The following PDE11A variants were observed in gnomAD, a reference collection of about 807,000 sequenced individuals.
PDE11A encodes the protein phosphodiesterase 11A, also known as dual 3',5'-cyclic-AMP and -GMP phosphodiesterase 11A.
A neutral mutation model predicts 100.5 loss-of-function variants in PDE11A; 100 were observed. That is an observed-to-expected ratio of 1.00 (90% CI 0.85 to 1.18). The LOEUF is 1.18. PDE11A is among the 50% of genes most tolerant of loss of function. PDE11A has a pLI of 0.00. For missense variants in PDE11A, 1,141 were observed against 1,152.6 expected (o/e 0.99, Z 0.15); for synonymous variants, 381 against 420.8 (o/e 0.91, Z 1.16).
intron 2 of PDE11A, among the ~76,000 whole-genome samples, chr2:177,963,214 TCAGA>T (rs1300150826): frequency 6.6e-6 from 1 of 152,182 alleles, no homozygotes; most frequent in Non-Finnish European, 1.5e-5. Context: ...AGGTTCCTAC[TCAGA>T]CAATTTTTTC....
chr2:177,882,726 C>T (rs1227077881), intron 4 of PDE11A, among the ~76,000 whole-genome samples: 1 of 152,158 alleles, frequency 6.6e-6, no homozygotes, highest in Non-Finnish European at 1.5e-5. Context: ...AACAAAACAT[C>T]TCCCTGCTTG....
intron 14 of PDE11A, 146 bp downstream of exon 14, chr2:177,700,975 A>G (rs1372608818): frequency 2.8e-6 from 2 of 705,880 alleles, no homozygotes; most frequent in African/African-American, 3.5e-5. Flanking sequence ...AGGAACAGAA[A>G]AAGCTACTAA....
intron 18 of PDE11A, among the ~76,000 whole-genome samples, chr2:177,667,761 C>A (rs1423612195): frequency 2.0e-5 from 3 of 152,112 alleles, no homozygotes; most frequent in East Asian, 1.9e-4. Flanking sequence ...AAACAAGGTG[C>A]CTTGCTTCAT....
intron 4 of PDE11A, among the ~76,000 whole-genome samples, chr2:177,890,028 G>T (rs2084505397): frequency 6.6e-6 from 1 of 152,116 alleles, no homozygotes; most frequent in African/African-American, 2.4e-5. Flanking sequence ...ATGATTTAGG[G>T]TGGCTGCATT....
chr2:177,758,276 G>T (rs1313651363), intron 10 of PDE11A, among the ~76,000 whole-genome samples: 1 of 135,698 alleles, frequency 7.4e-6, no homozygotes, highest in Non-Finnish European at 1.5e-5. Context: ...CAGCCTGGGT[G>T]AGAGTGCAAG....
At chr2:178,042,599 T>C (rs1045771525) in intron 1 of PDE11A, among the ~76,000 whole-genome samples, 2 of 152,154 alleles carry the variant, frequency 1.3e-5, no homozygotes, top group African/African-American at 4.8e-5. Context: ...TAAATGGCTA[T>C]TCCAAGTCAA....
chr2:177,736,547 G>T (rs1432830044), intron 10 of PDE11A, among the ~76,000 whole-genome samples: 1 of 151,744 alleles, frequency 6.6e-6, no homozygotes, highest in Non-Finnish European at 1.5e-5. Context: ...AAAGGGAGGA[G>T]GAAGAAGAAT....
chr2:177,834,114 C>T (rs1243960153), intron 6 of PDE11A, among the ~76,000 whole-genome samples: 1 of 152,200 alleles, frequency 6.6e-6, no homozygotes, highest in African/African-American at 2.4e-5. Flanking sequence ...TCACTTAATA[C>T]ATTCCACCCT....
At chr2:177,706,458 A>C (rs1018102740) in intron 13 of PDE11A, among the ~76,000 whole-genome samples, 1 of 152,230 alleles carries the variant, frequency 6.6e-6, no homozygotes, top group African/African-American at 2.4e-5. Flanking sequence ...CTGGGAAATA[A>C]AAAACAAGAA....
intron 9 of PDE11A, among the ~76,000 whole-genome samples, chr2:177,780,069 T>C (rs2105516156): frequency 6.6e-6 from 1 of 152,246 alleles, no homozygotes; most frequent in East Asian, 1.9e-4. Flanking sequence ...ACCGGAGTGT[T>C]TGGGTGACTA....
intron 1 of PDE11A, among the ~76,000 whole-genome samples, chr2:178,067,017 TC>T (rs1475622584): frequency 9.8e-5 from 15 of 152,298 alleles, no homozygotes; most frequent in Admixed American, 9.8e-4. Flanking sequence ...CTCTCCCTGT[TC>T]TGGATAAAGG....
At chr2:177,984,097 C>T (rs10186953) in intron 2 of PDE11A, among the ~76,000 whole-genome samples, 9,551 of 152,162 alleles carry the variant, frequency 0.063, 313 homozygotes, top group South Asian at 0.094. Context: ...TCTTGCTGTG[C>T]AATTGTTGGA....
intron 19 of PDE11A, among the ~76,000 whole-genome samples, chr2:177,653,008 G>T (rs2105462967): frequency 6.6e-6 from 1 of 152,338 alleles, no homozygotes; most frequent in African/African-American, 2.4e-5. Context: ...AGAGTACAAA[G>T]TGGACCAGGG....
intron 9 of PDE11A, among the ~76,000 whole-genome samples, chr2:177,775,158 G>T (rs993588724): frequency 9.9e-5 from 15 of 152,174 alleles, no homozygotes; most frequent in Admixed American, 6.5e-4. Context: ...CATACATCTT[G>T]AATTTTGCCC....
chr2:177,701,234 T>G, intron 13 of PDE11A, 23 bp from the exon 14 acceptor site: 1 of 1,169,074 alleles, frequency 8.6e-7, no homozygotes, highest in Non-Finnish European at 1.3e-6. Flanking sequence ...AGAGGGTGAG[T>G]GAGCAGGGCC....
At chr2:177,765,494 C>T (rs2082226346) in intron 10 of PDE11A, among the ~76,000 whole-genome samples, 1 of 152,166 alleles carries the variant, frequency 6.6e-6, no homozygotes, top group African/African-American at 2.4e-5. Context: ...TAAAATGTGA[C>T]CACTGAGCCT....
Position 178,096,169 on chromosome 2 carries a change from C to CTTTTTTTTTTTTTTTTTTTTTTTTTTT in PDE11A, c.162+8132_162+8133insAAAAAAAAAAAAAAAAAAAAAAAAAAA, listed in dbSNP as rs71010857. Among the ~76,000 whole-genome samples the CTTTTTTTTTTTTTTTTTTTTTTTTTTT allele has an allele frequency of 1.4e-4, 17 of 120,124 alleles. 1 individual carries two copies. Among genetic ancestry groups the CTTTTTTTTTTTTTTTTTTTTTTTTTTT allele is most frequent in the Non-Finnish European group, 1.9e-4 (11 of 56,758 alleles). 78.8% of individuals were successfully genotyped at this position (120,124 alleles called of 152,430 possible). On this transcript the variant is annotated intron_variant, in intron 2 of 20. Coordinates refer to the PDE11A transcript ENST00000358450. ...AGAAAACAGGTTTTTCTTTTCTTTTCTTTTTTTTTTTTGAGATGGAGTCTC... is the reference window on the plus strand; with the variant it reads ...AGAAAACAGGTTTTTCTTTTCTTTTCTTTTTTTTTTTTTTTTTTTTTTTTTTTTTTTTTTTTTTTGAGATGGAGTCTC...
At chr2:177,727,972 G>A in intron 11 of PDE11A, 54 bp downstream of exon 11, 1 of 1,504,590 alleles carries the variant, frequency 6.6e-7, no homozygotes, top group Non-Finnish European at 9.2e-7. Flanking sequence ...GTTCAGAGTG[G>A]CTAACACGTT....
At chr2:178,055,746 A>G (rs942141377) in intron 1 of PDE11A, among the ~76,000 whole-genome samples, 1 of 152,184 alleles carries the variant, frequency 6.6e-6, no homozygotes, top group African/African-American at 2.4e-5. Context: ...AGGAAGAGAT[A>G]GAAAGAAAAG....
Sources: allele counts gnomAD v4.1 joint callset (sites outside exome capture counted in the v4.1 genomes callset), GRCh38; gene constraint gnomAD v4.1.1; transcripts MANE v1.5; gene names NCBI Gene and HGNC (gene_info 2026-07-23, HGNC 2026-07-21).